GAL3ST2: variants seen among roughly 807,000 people sequenced by gnomAD.
GAL3ST2 encodes galactose-3-O-sulfotransferase 2.
In GAL3ST2, 16 loss-of-function variants were observed where a neutral mutation model predicts 12.9. The observed-to-expected ratio is 1.24, with a 90% CI of 0.84 to 1.88. The LOEUF (loss-of-function observed/expected upper bound fraction) is 1.88. Ranked by LOEUF, GAL3ST2 falls within the 40% of genes most tolerant of loss-of-function variation. The probability of loss-of-function intolerance (pLI) is 0.00; values close to 1 mark genes in which losing one functional copy is unlikely to be tolerated. For missense variants in GAL3ST2, 639 were observed against 571.8 expected, an observed-to-expected ratio of 1.12 and a Z score of -1.20; for synonymous variants, 302 against 273.9, an observed-to-expected ratio of 1.10 and a Z score of -1.01.
intron 1 of GAL3ST2, among the ~76,000 whole-genome samples, chr2:241,790,561 A>T (rs536533848): frequency 6.6e-6 from 1 of 152,228 alleles, no homozygotes; most frequent in African/African-American, 2.4e-5. Flanking sequence ...ACAAACCATA[A>T]ATTCTCATCA....
In GAL3ST2 at chr2:241,793,487, G is replaced by A. The variant is rs563844914; in HGVS notation, c.30-5578G>A. On this transcript the variant is annotated intron_variant, in intron 1 of 3. Transcript: ENST00000192314. The surrounding 1 kb of genome is among the most constrained non-coding windows in gnomAD (Gnocchi z 4.7). The stretch of plus-strand genomic sequence containing the variant: ...GTATGTGTATGCATGTGTATTATAT[G>A]TACATATTGTGTATGTGTGTGTATA... Among the ~76,000 whole-genome samples, 1,710 of 152,014 alleles carry A rather than the reference G, an allele frequency of 0.011. 44 individuals are homozygous for A. The highest frequency in any genetic ancestry group is 0.04 in the African/African-American group (1,644 of 41,388).
intron 1 of GAL3ST2, among the ~76,000 whole-genome samples, chr2:241,796,428 C>T (rs150497566): frequency 6.6e-5 from 10 of 152,188 alleles, no homozygotes; most frequent in Middle Eastern, 3.4e-3. Flanking sequence ...GGGAAGCCAT[C>T]GAGGACCAGG....
In GAL3ST2 at chr2:241,793,459, T is replaced by C. The variant is rs541952926; in HGVS notation, c.30-5606T>C. ...CGTGTATGTATGTACTGTGTATGCGTGTGTATGTGTATGCATGTGTATTAT... is the reference window on the plus strand; with the variant it reads ...CGTGTATGTATGTACTGTGTATGCGCGTGTATGTGTATGCATGTGTATTAT... On this transcript the variant is annotated intron_variant, in intron 1 of 3. Coordinates refer to ENST00000192314, the MANE Select transcript of GAL3ST2 (RefSeq NM_022134.3). This position sits in a 1 kb window ranked among gnomAD's most constrained non-coding sequence, Gnocchi z 4.7. 4.6e-3 allele frequency among the ~76,000 whole-genome samples: 680 copies of C among 147,280 alleles called. 28 individuals carry two copies. The highest frequency in any genetic ancestry group is 0.041 in the Admixed American group (613 of 14,972).
At chr2:241,778,003 G>T (rs1699514800) in intron 1 of GAL3ST2, among the ~76,000 whole-genome samples, 1 of 152,204 alleles carries the variant, frequency 6.6e-6, no homozygotes, top group Admixed American at 6.5e-5. Flanking sequence ...CTCAGCTGCT[G>T]GTCTCACTGC....
chr2:241,797,053 C>T (rs35976554), intron 1 of GAL3ST2, among the ~76,000 whole-genome samples: 4,021 of 152,344 alleles, frequency 0.026, 90 homozygotes, highest in Non-Finnish European at 0.04. Context: ...GAGATGGGGT[C>T]TCACTGTATT....
chr2:241,802,109 T>G lies in GAL3ST2; in HGVS notation c.375+73T>G. ...GGCTGTGGGTCTGGGTGGTGTAGCC[T>G]GGAGGCTGGAGAGAAGGAGTGTAAG... On this transcript the variant is annotated intron_variant, in intron 3 of 3. Transcript: ENST00000192314. This position sits in a 1 kb window ranked among gnomAD's most constrained non-coding sequence, Gnocchi z 4.8. 6.8e-7 allele frequency: 1 copy of G among 1,481,030 alleles called. No homozygotes were observed. Among genetic ancestry groups the G allele is most frequent in the East Asian group, 2.5e-5 (1 of 39,834 alleles). The allele number at this position is 1,481,030 out of a possible 1,614,324, so 91.7% of individuals were successfully genotyped here. A position where few individuals can be genotyped will look rare whatever the true frequency, so the allele number is the denominator to read the frequency against.
chr2:241,788,766 C>A (rs370169587), intron 1 of GAL3ST2, among the ~76,000 whole-genome samples: 1 of 152,114 alleles, frequency 6.6e-6, no homozygotes, highest in African/African-American at 2.4e-5. Flanking sequence ...GATCACCCAG[C>A]GTTTTGAGCC....
chr2:241,794,403 CCT>C (rs1340609760), intron 1 of GAL3ST2, among the ~76,000 whole-genome samples: 2 of 152,220 alleles, frequency 1.3e-5, no homozygotes, highest in Non-Finnish European at 2.9e-5. Context: ...CAAGCTGTCC[CCT>C]CTGTCCCCAC....
intron 1 of GAL3ST2, among the ~76,000 whole-genome samples, chr2:241,792,200 A>G (rs911205012): frequency 2.0e-5 from 3 of 151,114 alleles, no homozygotes. Context: ...TGTTATTATT[A>G]TTATTATTTA....
chr2:241,795,518 G>A lies in GAL3ST2; in HGVS notation c.30-3547G>A, dbSNP rs1024597386. ...AGGAAGGAGTTGACTATGGCGGAAC[G>A]AAGTGATGGCCAAGGGTGGTGGCTG... is the stretch of plus-strand genomic sequence containing the variant. On this transcript the variant is annotated intron_variant, in intron 1 of 3. Coordinates refer to ENST00000192314, the MANE Select transcript of GAL3ST2 (RefSeq NM_022134.3). This position sits in a 1 kb window ranked among gnomAD's most constrained non-coding sequence, Gnocchi z 4.5. Among the ~76,000 whole-genome samples the A allele has an allele frequency of 2.6e-5, 4 of 152,236 alleles. No homozygotes were observed. The highest frequency in any genetic ancestry group is 4.8e-5 in the African/African-American group (2 of 41,468).
Position 241,801,555 on chromosome 2 carries a change from G to A in GAL3ST2, c.120-226G>A, listed in dbSNP as rs1277229557. Reference sequence around the variant, plus strand: ...ACAGGGTTGGGGGAGCATGGTTACGGGAGACAGTTGGGGGAGTTTGTGTTC... The same window carrying A: ...ACAGGGTTGGGGGAGCATGGTTACGAGAGACAGTTGGGGGAGTTTGTGTTC... On this transcript the variant is annotated intron_variant, in intron 2 of 3. Transcript: ENST00000192314. This position sits in a 1 kb window ranked among gnomAD's most constrained non-coding sequence, Gnocchi z 4.4. The A allele has an allele frequency of 1.3e-5, 8 of 604,732 alleles. No homozygotes were observed. Among genetic ancestry groups the A allele is most frequent in the Non-Finnish European group, 2.3e-5 (8 of 344,662 alleles). 37.5% of individuals were successfully genotyped at this position (604,732 alleles called of 1,614,324 possible).
At chr2:241,799,239 G>A (rs2125196241) in intron 2 of GAL3ST2, 85 bp downstream of exon 2, 5 of 1,172,102 alleles carry the variant, frequency 4.3e-6, no homozygotes, top group Middle Eastern at 1.9e-4. Flanking sequence ...GCATGATCAC[G>A]CCCCCCACTG....
chr2:241,787,292 AC>A (rs1261323676), intron 1 of GAL3ST2, among the ~76,000 whole-genome samples: 1 of 152,132 alleles, frequency 6.6e-6, no homozygotes, highest in African/African-American at 2.4e-5. Context: ...CGCATCGTCA[AC>A]CTTGGCGCAA....
intron 2 of GAL3ST2, among the ~76,000 whole-genome samples, 176 bp downstream of exon 2, chr2:241,799,330 C>G (rs1222706293): frequency 1.3e-5 from 2 of 152,318 alleles, no homozygotes; most frequent in African/African-American, 4.8e-5. Flanking sequence ...AGCCACAAAC[C>G]CACCTGGGCC....
intron 1 of GAL3ST2, among the ~76,000 whole-genome samples, chr2:241,791,664 T>C (rs1474731158): frequency 6.6e-6 from 1 of 152,202 alleles, no homozygotes. Context: ...AGATTCCTCC[T>C]ATGGAGCAAT....
chr2:241,783,717 T>A (rs1205775670), intron 1 of GAL3ST2, among the ~76,000 whole-genome samples: 1 of 152,270 alleles, frequency 6.6e-6, no homozygotes, highest in African/African-American at 2.4e-5. Context: ...ACTGTGATAT[T>A]CATCATTTAA....
intron 1 of GAL3ST2, among the ~76,000 whole-genome samples, chr2:241,783,669 C>A (rs1699592213): frequency 6.6e-6 from 1 of 151,954 alleles, no homozygotes; most frequent in African/African-American, 2.4e-5. Flanking sequence ...ATACATTTAC[C>A]TAATTATTTT....
rs1430620632 is a variant in GAL3ST2, at chr2:241,776,899, G to A, written c.-57G>A. On this transcript the variant is annotated 5_prime_UTR_variant, in exon 1 of 4. Coordinates refer to ENST00000192314, the MANE Select transcript of GAL3ST2 (RefSeq NM_022134.3). ...CAGAGCCGGCAGGGGCCGAGGCGGT[G>A]GGACCTCGGGGGAGCTCAAGCCTCG... is the stretch of plus-strand genomic sequence containing the variant. 1.4e-6 allele frequency: 2 copies of A among 1,401,342 alleles called. No individual in the cohort carries two copies. The highest frequency in any genetic ancestry group is 1.5e-5 in the African/African-American group (1 of 67,872). 86.8% of individuals were successfully genotyped at this position (1,401,342 alleles called of 1,614,324 possible). A position where few individuals can be genotyped will look rare whatever the true frequency, so the allele number is the denominator to read the frequency against.
At chr2:241,797,435 T>C (rs751570336) in intron 1 of GAL3ST2, among the ~76,000 whole-genome samples, 6 of 152,244 alleles carry the variant, frequency 3.9e-5, no homozygotes, top group Non-Finnish European at 8.8e-5. Context: ...TAGTTAAAAA[T>C]TCTCTTCTTC....
Sources: allele counts gnomAD v4.1 joint callset (sites outside exome capture counted in the v4.1 genomes callset), GRCh38; gene constraint gnomAD v4.1.1; non-coding constraint Gnocchi (gnomAD v3.1); transcripts MANE v1.5; gene names NCBI Gene and HGNC (gene_info 2026-07-23, HGNC 2026-07-21).